The following ARHGAP10 variants were observed in gnomAD, a reference collection of about 807,000 sequenced individuals.
ARHGAP10 encodes the protein Rho GTPase activating protein 10, also known as rho GTPase-activating protein 10.
Under a neutral mutation model 108.6 loss-of-function variants are expected in ARHGAP10, and 87 were observed. That is an observed-to-expected ratio of 0.80 (90% CI 0.67 to 0.96). ARHGAP10 has a LOEUF of 0.96. Ranked by LOEUF, ARHGAP10 falls within the 40% of genes least tolerant of loss-of-function variation. ARHGAP10 has a pLI of 0.00. For missense variants in ARHGAP10, 939 were observed against 954.5 expected (o/e 0.98, Z 0.21); for synonymous variants, 347 against 341.1 (o/e 1.02, Z -0.19).
At chr4:147,766,742 C>T (rs1043873463) in intron 1 of ARHGAP10, among the ~76,000 whole-genome samples, 5 of 141,494 alleles carry the variant, frequency 3.5e-5, no homozygotes, top group South Asian at 2.2e-4. Flanking sequence ...ATATTATATA[C>T]GTAACTATAT....
intron 20 of ARHGAP10, among the ~76,000 whole-genome samples, chr4:148,047,806 T>C (rs1278447718): frequency 6.6e-6 from 1 of 152,200 alleles, no homozygotes; most frequent in African/African-American, 2.4e-5. Context: ...ACATTTATAA[T>C]TCATCCAGAG....
chr4:147,819,710 C>T (rs577190881), intron 1 of ARHGAP10, among the ~76,000 whole-genome samples: 1 of 152,206 alleles, frequency 6.6e-6, no homozygotes, highest in South Asian at 2.1e-4. Context: ...AGGTGCCTGC[C>T]ACCACGCCTG....
At chr4:147,772,387 A>G (rs745537266) in intron 1 of ARHGAP10, among the ~76,000 whole-genome samples, 8 of 152,126 alleles carry the variant, frequency 5.3e-5, no homozygotes, top group Admixed American at 4.6e-4. Flanking sequence ...TCCTCTCTGC[A>G]GTTTTTTATC....
intron 7 of ARHGAP10, among the ~76,000 whole-genome samples, chr4:147,871,820 G>A (rs138976791): frequency 6.6e-6 from 1 of 152,172 alleles, no homozygotes; most frequent in Admixed American, 6.5e-5. Flanking sequence ...AAAAATAGTG[G>A]CTGGGGATGG....
chr4:147,927,803 A>T (rs1364621065), intron 13 of ARHGAP10, among the ~76,000 whole-genome samples: 4 of 152,218 alleles, frequency 2.6e-5, no homozygotes, highest in Non-Finnish European at 5.9e-5. Context: ...GCCAAGGTTC[A>T]TGCTGTGAGG....
At chr4:147,835,297 T>A (rs1339700283) in intron 3 of ARHGAP10, among the ~76,000 whole-genome samples, 3 of 152,234 alleles carry the variant, frequency 2.0e-5, no homozygotes. Context: ...GCATCACAGA[T>A]GGGCTGGAAA....
intron 1 of ARHGAP10, among the ~76,000 whole-genome samples, chr4:147,788,148 A>G (rs74430061): frequency 6.6e-6 from 1 of 151,298 alleles, no homozygotes; most frequent in Non-Finnish European, 1.5e-5. Context: ...TTTTTTTTTT[A>G]AAAAGCGTTT....
chr4:147,733,440 C>T (rs1051902659), intron 1 of ARHGAP10, among the ~76,000 whole-genome samples: 2 of 152,258 alleles, frequency 1.3e-5, no homozygotes, highest in East Asian at 1.9e-4. Context: ...AAAGACCTGT[C>T]CATACAGCAG....
At chr4:148,060,954 G>A (rs1729592751) in intron 20 of ARHGAP10, among the ~76,000 whole-genome samples, 1 of 152,134 alleles carries the variant, frequency 6.6e-6, no homozygotes, top group East Asian at 1.9e-4. Flanking sequence ...GGGATGAGAT[G>A]GAGAAAGCCA....
At chr4:147,808,568 G>C (rs1014227232) in intron 1 of ARHGAP10, among the ~76,000 whole-genome samples, 2 of 152,148 alleles carry the variant, frequency 1.3e-5, no homozygotes, top group Non-Finnish European at 2.9e-5. Context: ...TGGGTTGGAG[G>C]AAAGAGTGGG....
intron 1 of ARHGAP10, among the ~76,000 whole-genome samples, chr4:147,754,787 A>C (rs1379117051): frequency 6.6e-6 from 1 of 152,172 alleles, no homozygotes; most frequent in Non-Finnish European, 1.5e-5. Context: ...ATTATAATGA[A>C]GTCCCTGAAG....
Sources: gnomAD v4.1 joint callset for allele counts (sites outside exome capture counted in the v4.1 genomes callset) on GRCh38, gnomAD v4.1.1 for gene constraint, MANE v1.5 for transcripts, NCBI Gene and HGNC (gene_info 2026-07-23, HGNC 2026-07-21) for gene names.